SERPINB10: variants seen among roughly 807,000 people sequenced by gnomAD.
The protein encoded by SERPINB10 is serpin family B member 10, also known as serpin B10.
Under a neutral mutation model 39.1 loss-of-function variants are expected in SERPINB10, and 35 were observed. The ratio of observed to expected loss-of-function variants is 0.90; its 90% CI spans 0.68 to 1.19. SERPINB10 has a LOEUF of 1.19. SERPINB10 is among the 50% of genes most tolerant of loss of function. The pLI is 0.00. For synonymous variants in SERPINB10, 190 were observed against 158.1 expected (o/e 1.20, Z -1.52); for missense variants, 546 against 460.5 (o/e 1.19, Z -1.70).
At chr18:63,929,712 C>CAAAAAAAAAAAA (rs74169990) in intron 5 of SERPINB10, among the ~76,000 whole-genome samples, 837 of 96,510 alleles carry the variant, frequency 8.7e-3, no homozygotes, top group Non-Finnish European at 0.016. Flanking sequence ...AGCTAAAGTG[C>CAAAAAAAAAAAA]AAAAAAAAAA....
At chr18:63,924,019 A>T (rs1349483194) in intron 5 of SERPINB10, among the ~76,000 whole-genome samples, 1 of 151,932 alleles carries the variant, frequency 6.6e-6, no homozygotes, top group Non-Finnish European at 1.5e-5. Context: ...GCTTTATCTG[A>T]ATATGTAAAT....
At chr18:63,933,014 G>A (rs2050234028) in intron 6 of SERPINB10, 34 bp from the exon 7 acceptor site, 5 of 1,593,946 alleles carry the variant, frequency 3.1e-6, no homozygotes, top group Non-Finnish European at 3.4e-6. Flanking sequence ...CAATGACCTT[G>A]TTACCTGTTT....
intron 5 of SERPINB10, among the ~76,000 whole-genome samples, chr18:63,922,733 T>G (rs1388538328): frequency 6.6e-6 from 1 of 152,000 alleles, no homozygotes; most frequent in East Asian, 1.9e-4. Flanking sequence ...ATTACAGAGC[T>G]GTCCAGAAGA....
rs369912262 is a variant in SERPINB10 at position 63,915,243 on chromosome 18, C to A, written c.-9-259C>A. ...GAGTGGCAAAAACTATGTTATGGGACTCAGCTTTTAACTGACCAGCATCCA... is the reference window on the plus strand; with the variant it reads ...GAGTGGCAAAAACTATGTTATGGGAATCAGCTTTTAACTGACCAGCATCCA... On this transcript the variant is annotated intron_variant, in intron 1 of 7. Transcript: ENST00000238508. Among the ~76,000 whole-genome samples the A allele has an allele frequency of 3.9e-4, 60 of 152,182 alleles. No individual in the cohort carries two copies. The East Asian group carries it at 6.6e-3, about 17-fold the overall frequency.
rs1285407806 is a variant in SERPINB10 at position 63,935,734 on chromosome 18, CAGG to C, written c.*496_*498del. On this transcript the variant is annotated 3_prime_UTR_variant, in exon 8 of 8. Transcript: ENST00000238508. ...CTGAGGTAGGAGGATTGCTTGAGCC[CAGG>C]AGGTTGAGACTGCAGTGAGCCAAGA... is the stretch of plus-strand genomic sequence containing the variant. The C allele has an allele frequency of 6.5e-6, 1 of 153,526 alleles. No individual in the cohort carries two copies. Among genetic ancestry groups the C allele is most frequent in the Non-Finnish European group, 1.4e-5 (1 of 69,106 alleles). The allele number at this position is 153,526 out of a possible 1,614,324, so 9.5% of individuals were successfully genotyped here.
At chr18:63,910,062 TA>T (rs1218318848) in intron 1 of SERPINB10, among the ~76,000 whole-genome samples, 2 of 151,984 alleles carry the variant, frequency 1.3e-5, no homozygotes, top group African/African-American at 2.4e-5. Flanking sequence ...AGTTTATGGC[TA>T]GGGGGGATTC....
At chr18:63,934,129 T>C (rs1238685706) in intron 7 of SERPINB10, among the ~76,000 whole-genome samples, 1 of 152,150 alleles carries the variant, frequency 6.6e-6, no homozygotes, top group Non-Finnish European at 1.5e-5. Context: ...AGCCAAAACT[T>C]CCGTCTAGAA....
At position 63,933,175 on chromosome 18, in the gene SERPINB10, T is replaced by A. The variant is rs1453938335; in HGVS notation, c.761T>A (p.Leu254Gln). 1.9e-6 allele frequency: 3 copies of A among 1,614,062 alleles called. No homozygotes were observed. The South Asian group carries it at 3.3e-5, about 18-fold the overall frequency. ...KSRDLSLLIL[L>Q]PEDINGLEQL... ...CGTGACCTCAGCCTGCTTATACTAC[T>A]GCCAGAAGACATTAATGGGCTGGAA... The change falls in exon 7 of 8, where the codon CTG becomes CAG. Residue 254 changes from leucine (L) to glutamine (Q), a missense_variant. Physicochemically the swap from Leu to Gln is moderately radical, Grantham distance 113. Coordinates refer to ENST00000238508, the MANE Select transcript of SERPINB10 (RefSeq NM_005024.3).
intron 5 of SERPINB10, among the ~76,000 whole-genome samples, chr18:63,924,502 C>T (rs1020011943): frequency 2.6e-5 from 4 of 151,956 alleles, no homozygotes; most frequent in Admixed American, 6.6e-5. Context: ...ATTACTAAGC[C>T]TAACTCCAGA....
intron 7 of SERPINB10, among the ~76,000 whole-genome samples, chr18:63,933,428 G>T (rs575416201): frequency 6.6e-6 from 1 of 152,242 alleles, no homozygotes; most frequent in South Asian, 2.1e-4. Flanking sequence ...CTGTTCCTCA[G>T]AAAGGTTAGG....
At chr18:63,928,653 G>A (rs988473296) in intron 5 of SERPINB10, among the ~76,000 whole-genome samples, 2 of 152,064 alleles carry the variant, frequency 1.3e-5, no homozygotes, top group Non-Finnish European at 2.9e-5. Context: ...CCGTTTTCAC[G>A]ATATTGATTC....
chr18:63,920,034 C>A (rs2050135891), intron 5 of SERPINB10, 129 bp downstream of exon 5: 3 of 498,576 alleles, frequency 6.0e-6, no homozygotes, highest in African/African-American at 2.1e-5. Flanking sequence ...ATATTCAGAA[C>A]ATTTATTTCT....
At position 63,935,585 on chromosome 18, in the gene SERPINB10, G is replaced by GA. The variant is rs564291050; in HGVS notation, c.*351dup. 3.4e-4 allele frequency: 62 copies of GA among 181,916 alleles called. No individual in the cohort carries two copies. The highest frequency in any genetic ancestry group is 1.2e-3 in the African/African-American group (51 of 42,750). The allele number at this position is 181,916 out of a possible 1,614,324, so 11.3% of individuals were successfully genotyped here. ...ATATATTTCATATACATCATTAAAT[G>GA]AAAAAAAATCTTTATAAAGGTGATA... is the stretch of plus-strand genomic sequence containing the variant. On this transcript the variant is annotated 3_prime_UTR_variant, in exon 8 of 8. Coordinates refer to ENST00000238508, the MANE Select transcript of SERPINB10 (RefSeq NM_005024.3).
rs1319383527 is a variant in SERPINB10 at position 63,925,995 on chromosome 18, C to A, written c.491-4050C>A. 2.0e-5 allele frequency among the ~76,000 whole-genome samples: 3 copies of A among 151,992 alleles called. No homozygotes were observed. In the East Asian group the frequency reaches 5.8e-4, roughly 29 times the overall value. ...ACATGATTCATTGAGAAGAACACAG[C>A]ATGACTTTGGTGGTTGTATTAGTTT... On this transcript the variant is annotated intron_variant, in intron 5 of 7. Coordinates refer to ENST00000238508, the MANE Select transcript of SERPINB10 (RefSeq NM_005024.3).
intron 1 of SERPINB10, among the ~76,000 whole-genome samples, chr18:63,908,366 C>T (rs1245695243): frequency 6.6e-6 from 1 of 152,016 alleles, no homozygotes; most frequent in Non-Finnish European, 1.5e-5. Context: ...TTCCTCCAGT[C>T]ACATTTATGT....
At chr18:63,932,267 T>C (rs1989731) in intron 6 of SERPINB10, among the ~76,000 whole-genome samples, 62,667 of 152,028 alleles carry the variant, frequency 0.41, 15,786 homozygotes, top group African/African-American at 0.71. Flanking sequence ...TTTGAGTAAA[T>C]ACCTAGGAAC....
Position 63,919,911 on chromosome 18 carries a change from C to G in SERPINB10, c.490+6C>G, listed in dbSNP as rs751283479. ...GGTTGAAAGACAGACCGAGGGTAAG[C>G]TTTCACCAAGGGGTTTGGCAGCGTG... On this transcript the variant is annotated splice_donor_region_variant and intron_variant, in intron 5 of 7. Coordinates refer to ENST00000238508, the MANE Select transcript of SERPINB10 (RefSeq NM_005024.3). 1 of 1,574,128 alleles carries G rather than the reference C, an allele frequency of 6.4e-7. No homozygotes were observed. Among genetic ancestry groups the G allele is most frequent in the African/African-American group, 1.4e-5 (1 of 72,110 alleles).
intron 1 of SERPINB10, among the ~76,000 whole-genome samples, chr18:63,913,555 T>A (rs1221222786): frequency 6.6e-6 from 1 of 152,068 alleles, no homozygotes; most frequent in Non-Finnish European, 1.5e-5. Flanking sequence ...GCACGTTGTT[T>A]AATTTCCAAG....
chr18:63,934,691 G>C, intron 7 of SERPINB10, 147 bp from the exon 8 acceptor site: 1 of 755,124 alleles, frequency 1.3e-6, no homozygotes, highest in African/African-American at 1.8e-5. Flanking sequence ...TACAACCAAA[G>C]GATTTCCAGA....
Sources: gnomAD v4.1 joint callset for allele counts (sites outside exome capture counted in the v4.1 genomes callset) on GRCh38, gnomAD v4.1.1 for gene constraint, MANE v1.5 for transcripts, NCBI Gene and HGNC (gene_info 2026-07-23, HGNC 2026-07-21) for gene names.